The following NFASC variants were observed in gnomAD, a reference collection of about 807,000 sequenced individuals.
NFASC encodes neurofascin homolog.
A neutral mutation model predicts 147.5 loss-of-function variants in NFASC; 43 were observed. The observed-to-expected ratio is 0.29, with a 90% CI of 0.23 to 0.38. The LOEUF (loss-of-function observed/expected upper bound fraction) is 0.38, where lower values mean the gene tolerates loss of function less well. NFASC is among the 10% of genes least tolerant of loss of function. The pLI is 1.00. For missense variants in NFASC, 1,320 were observed against 1,689.0 expected (o/e 0.78, Z 3.83); for synonymous variants, 622 against 665.5 (o/e 0.93, Z 1.01).
chr1:204,969,261 G>A (rs1207555835), intron 10 of NFASC, among the ~76,000 whole-genome samples: 1 of 152,124 alleles, frequency 6.6e-6, no homozygotes, highest in South Asian at 2.1e-4. Context: ...TTCCTCCCAC[G>A]GCCCATTTGG....
intron 29 of NFASC, among the ~76,000 whole-genome samples, chr1:205,013,300 A>T (rs932685322): frequency 1.3e-5 from 2 of 152,066 alleles, no homozygotes; most frequent in African/African-American, 4.8e-5. Flanking sequence ...GAAGATAATG[A>T]CCCTGGGAGG....
intron 2 of NFASC, 85 bp from the exon 3 acceptor site, chr1:204,944,140 CT>C (rs1436000902): frequency 1.6e-6 from 2 of 1,223,548 alleles, no homozygotes; most frequent in Non-Finnish European, 2.3e-6. Flanking sequence ...CAAGGGGGCT[CT>C]TCGGTCCTCC....
chr1:204,972,003 T>TG (rs2095272840), intron 11 of NFASC, among the ~76,000 whole-genome samples: 2 of 152,330 alleles, frequency 1.3e-5, no homozygotes, highest in East Asian at 3.9e-4. Context: ...GGGGGATTAT[T>TG]GGTTGCACGA....
chr1:204,829,275 T>C (rs1671524837), intron 1 of NFASC, among the ~76,000 whole-genome samples: 1 of 151,126 alleles, frequency 6.6e-6, no homozygotes, highest in Admixed American at 6.6e-5. Flanking sequence ...CCTCAGTTTC[T>C]GTCCTCCCCT....
chr1:204,915,760 A>G (rs975920593), intron 1 of NFASC, among the ~76,000 whole-genome samples: 1 of 152,198 alleles, frequency 6.6e-6, no homozygotes, highest in Non-Finnish European at 1.5e-5. Context: ...GAGAATTTTG[A>G]TTGTGTGCTT....
At chr1:204,980,307 G>T (rs2095487335) in intron 19 of NFASC, 63 bp from the exon 20 acceptor site, 3 of 1,327,370 alleles carry the variant, frequency 2.3e-6, no homozygotes, top group East Asian at 2.3e-5. Context: ...ACAGAGGAAG[G>T]TTCCTTACCT....
At chr1:204,872,974 G>A (rs60207107) in intron 1 of NFASC, among the ~76,000 whole-genome samples, 5,399 of 152,240 alleles carry the variant, frequency 0.035, 261 homozygotes, top group African/African-American at 0.11. Flanking sequence ...ACTGAGCCAG[G>A]CCCAAGAACC....
intron 8 of NFASC, 70 bp downstream of exon 8, chr1:204,957,896 G>A: frequency 6.9e-7 from 1 of 1,456,710 alleles, no homozygotes; most frequent in Admixed American, 1.7e-5. Context: ...CCAGCCCTAG[G>A]TACCTGAGTC....
At chr1:204,843,120 G>A (rs1675861741) in intron 1 of NFASC, among the ~76,000 whole-genome samples, 1 of 152,158 alleles carries the variant, frequency 6.6e-6, no homozygotes, top group African/African-American at 2.4e-5. Flanking sequence ...ACCATAAAAA[G>A]TTGCAGCTGG....
chr1:204,982,009 C>A lies in NFASC; in HGVS notation c.2459C>A (p.Ser820Tyr). 6.4e-7 allele frequency: 1 copy of A among 1,573,838 alleles called. No homozygotes were observed. Among genetic ancestry groups the A allele is most frequent in the East Asian group, 2.3e-5 (1 of 42,906 alleles). ...GAGCCAGAGTCCGTCATCGGTTACT[C>A]CGGAGAAGATTGTGAGTAGTCTCCT... Reference protein sequence around the residue: ...GPEPESVIGYSGEDLPSAPRR... With the variant: ...GPEPESVIGYYGEDLPSAPRR... Residue 820 changes from serine to tyrosine, a missense_variant, in exon 21 of 30, where the codon TCC becomes TAC. Physicochemically the swap from Ser to Tyr is moderately radical, Grantham distance 144 (BLOSUM62 -2). Transcript: ENST00000339876.
rs754020214 is a variant in NFASC, at chr1:204,984,056, G to A, written c.2470+2036G>A. On this transcript the variant is annotated intron_variant, in intron 21 of 29. Coordinates refer to ENST00000339876, the MANE Select transcript of NFASC (RefSeq NM_001005388.3). Reference sequence around the variant, plus strand: ...CAGGGCTGCGCCCACTGAAGTTAAAGTCCGAGTCATGAACAGCACAGCCAT... The same window carrying A: ...CAGGGCTGCGCCCACTGAAGTTAAAATCCGAGTCATGAACAGCACAGCCAT... 2.5e-6 allele frequency: 4 copies of A among 1,613,992 alleles called. No individual in the cohort carries two copies. In the South Asian group the frequency reaches 3.3e-5, roughly 13 times the overall value.
At chr1:204,937,160 A>G (rs2092927652) in intron 2 of NFASC, among the ~76,000 whole-genome samples, 1 of 152,094 alleles carries the variant, frequency 6.6e-6, no homozygotes, top group Admixed American at 6.5e-5. Flanking sequence ...CTTTAAAAAA[A>G]AAAACACTTC....
intron 2 of NFASC, among the ~76,000 whole-genome samples, chr1:204,935,163 G>A (rs1048839710): frequency 1.3e-5 from 2 of 152,212 alleles, no homozygotes; most frequent in Non-Finnish European, 2.9e-5. Flanking sequence ...CCCAGAGGAG[G>A]TAGCACCTGA....
chr1:205,011,139 A>T (rs984541861), intron 28 of NFASC, among the ~76,000 whole-genome samples: 1 of 152,024 alleles, frequency 6.6e-6, no homozygotes, highest in Non-Finnish European at 1.5e-5. Context: ...AAGCCCCATC[A>T]CCAAACACAA....
At chr1:204,912,217 G>T (rs1477449795) in intron 1 of NFASC, among the ~76,000 whole-genome samples, 1 of 151,638 alleles carries the variant, frequency 6.6e-6, no homozygotes, top group Non-Finnish European at 1.5e-5. Context: ...GTTCCTCGAG[G>T]TGGGACCTTA....
At position 204,997,797 on chromosome 1, in the gene NFASC, G is replaced by A. The variant is rs144639879; in HGVS notation, c.3019+391G>A. On this transcript the variant is annotated intron_variant, in intron 25 of 29. Transcript: ENST00000339876. ...CCGAGCACTCCAGAAGGAAGACAGC[G>A]TGAGGAGGGGAAAAGGACCAGATAC... 55 of 329,818 alleles carry A rather than the reference G, an allele frequency of 1.7e-4. 1 individual carries two copies. The highest frequency in any genetic ancestry group is 6.6e-4 in the African/African-American group (31 of 46,920). The allele number at this position is 329,818 out of a possible 1,614,324, so 20.4% of individuals were successfully genotyped here.
intron 1 of NFASC, among the ~76,000 whole-genome samples, chr1:204,896,044 G>A (rs74138649): frequency 0.011 from 1,715 of 152,332 alleles, 27 homozygotes; most frequent in African/African-American, 0.038. Context: ...GAGCTTCTGA[G>A]CTGCGAACAG....
chr1:204,978,870 G>A (rs955320528), intron 17 of NFASC, 98 bp from the exon 18 acceptor site: 1 of 919,374 alleles, frequency 1.1e-6, no homozygotes, highest in East Asian at 2.7e-5. Context: ...CCAGCTGGTA[G>A]CGAAGACAGC....
In NFASC at chr1:204,979,096, C is replaced by A; in HGVS notation, c.1978+27C>A. ...TAGCTCAGGGCCTTGCACCCCAAAG[C>A]TGGAAAAGAGGGACGGCAACACCCT... On this transcript the variant is annotated intron_variant, in intron 18 of 29. Transcript: ENST00000339876. The surrounding 1 kb of genome is among the most constrained non-coding windows in gnomAD (Gnocchi z 6.0). 1 of 1,529,962 alleles carries A rather than the reference C, an allele frequency of 6.5e-7. No homozygotes were observed. Among genetic ancestry groups the A allele is most frequent in the Non-Finnish European group, 8.9e-7 (1 of 1,128,822 alleles). The allele number at this position is 1,529,962 out of a possible 1,614,324, so 94.8% of individuals were successfully genotyped here.
Sources: allele counts gnomAD v4.1 joint callset (sites outside exome capture counted in the v4.1 genomes callset), GRCh38; gene constraint gnomAD v4.1.1; non-coding constraint Gnocchi (gnomAD v3.1); transcripts MANE v1.5; gene names NCBI Gene and HGNC (gene_info 2026-07-23, HGNC 2026-07-21).